SMOC1: variants seen among roughly 807,000 people sequenced by gnomAD.
SMOC1 encodes SPARC related modular calcium binding 1, also known as SPARC-related modular calcium-binding protein 1.
SMOC1 carries 22 observed loss-of-function variants against 56.3 expected under a neutral mutation model. That is an observed-to-expected ratio of 0.39 (90% confidence interval 0.28 to 0.56). The LOEUF (loss-of-function observed/expected upper bound fraction) is 0.56. Among genes scored for constraint, SMOC1 ranks in the 20% least tolerant of loss-of-function variants. The probability of loss-of-function intolerance (pLI) is 0.61; values close to 1 mark genes in which losing one functional copy is unlikely to be tolerated. For synonymous variants in SMOC1, 193 were observed against 215.0 expected, an observed-to-expected ratio of 0.90 and a Z score of 0.89; for missense variants, 509 against 565.4, an observed-to-expected ratio of 0.90 and a Z score of 1.01.
intron 3 of SMOC1, among the ~76,000 whole-genome samples, chr14:69,962,254 CT>C (rs771253192): frequency 2.0e-5 from 3 of 151,058 alleles, no homozygotes; most frequent in Admixed American, 6.6e-5. Flanking sequence ...CCTCTGCCTC[CT>C]GCATTAAGGT....
In SMOC1 at chr14:69,953,436, G is replaced by A; in HGVS notation, c.282G>A (p.Lys94=). The change falls in exon 3 of 12, where the codon AAG becomes AAA. Residue 94 remains lysine (K), a synonymous_variant. Transcript: ENST00000361956. ...CTCTTTCAGATGCTGGCCAGAGCAA[G>A]TGTCGCCTGGAGCGGGCTCAAGCCC... The part of the protein sequence containing the change: ...RGRCKDAGQS[K]CRLERAQALE... 1 of 1,614,226 alleles carries A rather than the reference G, an allele frequency of 6.2e-7. No homozygotes were observed. Among genetic ancestry groups the A allele is most frequent in the South Asian group, 1.1e-5 (1 of 91,082 alleles).
intron 7 of SMOC1, among the ~76,000 whole-genome samples, chr14:70,006,566 G>C (rs916393989): frequency 1.1e-4 from 16 of 152,226 alleles, no homozygotes; most frequent in African/African-American, 3.6e-4. Context: ...GAATAGTTAA[G>C]GAGGTCTAGA....
chr14:69,892,935 G>A (rs1239652973), intron 1 of SMOC1, among the ~76,000 whole-genome samples: 2 of 152,048 alleles, frequency 1.3e-5, no homozygotes, highest in South Asian at 4.1e-4. Flanking sequence ...GTCCAAATAA[G>A]GTCCACATAT....
intron 1 of SMOC1, among the ~76,000 whole-genome samples, chr14:69,919,620 A>G (rs1291414523): frequency 6.6e-6 from 1 of 152,192 alleles, no homozygotes; most frequent in Non-Finnish European, 1.5e-5. Context: ...GTGAATGTGA[A>G]GCTGGGCCTC....
chr14:70,010,807 C>G lies in SMOC1; in HGVS notation c.718C>G (p.Gln240Glu). 1 of 1,614,226 alleles carries G rather than the reference C, an allele frequency of 6.2e-7. No homozygotes were observed. Among genetic ancestry groups the G allele is most frequent in the East Asian group, 2.2e-5 (1 of 44,886 alleles). ...ERQSALEEAQ[Q>E]NPREGIVIPE... ...GCAGAGTGCCCTGGAAGAGGCCCAG[C>G]AGAATCCCCGTGAGGGTATTGTCAT... Residue 240 changes from glutamine to glutamate, a missense_variant, in exon 8 of 12, where the codon CAG (glutamine) becomes GAG (glutamate). Around this residue, in one of 3 missense-constraint regions of SMOC1, gnomAD observed 315 missense variants for 333.1 expected, o/e 0.95. Transcript: ENST00000361956.
chr14:69,977,180 G>A lies in SMOC1; in HGVS notation c.479-738G>A, dbSNP rs1297669727. Among the ~76,000 whole-genome samples the A allele has an allele frequency of 3.3e-5, 5 of 152,156 alleles. No individual in the cohort carries two copies. In the East Asian group the frequency reaches 7.7e-4, roughly 23 times the overall value. The stretch of plus-strand genomic sequence containing the variant: ...GAAATAGAGATTCTTTTCTTTTGGC[G>A]GGACTCCACAGATGCCCTTCTGTGC... On this transcript the variant is annotated intron_variant, in intron 4 of 11. Transcript: ENST00000361956.
chr14:69,912,419 A>G (rs1302637215), intron 1 of SMOC1, among the ~76,000 whole-genome samples: 1 of 152,126 alleles, frequency 6.6e-6, no homozygotes, highest in Non-Finnish European at 1.5e-5. Context: ...TGGCTAATTA[A>G]AAAAATTTTT....
chr14:69,936,104 T>C (rs1885288582), intron 1 of SMOC1, among the ~76,000 whole-genome samples: 1 of 152,144 alleles, frequency 6.6e-6, no homozygotes, highest in Admixed American at 6.5e-5. Flanking sequence ...TTTGGCCCTG[T>C]GATTTTCATT....
At chr14:70,006,250 G>C (rs1302077318) in intron 7 of SMOC1, among the ~76,000 whole-genome samples, 3 of 152,212 alleles carry the variant, frequency 2.0e-5, no homozygotes, top group Admixed American at 6.5e-5. Flanking sequence ...GTGAGGATAA[G>C]AAGAACACTA....
At chr14:69,932,957 A>G (rs147699232) in intron 1 of SMOC1, among the ~76,000 whole-genome samples, 3 of 152,268 alleles carry the variant, frequency 2.0e-5, no homozygotes, top group African/African-American at 7.2e-5. Context: ...TTTCTTGAAG[A>G]CATGGAACTC....
chr14:70,007,027 T>C (rs1159619150), intron 7 of SMOC1, among the ~76,000 whole-genome samples: 1 of 152,202 alleles, frequency 6.6e-6, no homozygotes. Flanking sequence ...GCACAGTTCA[T>C]TGGGGACTGT....
intron 1 of SMOC1, among the ~76,000 whole-genome samples, chr14:69,945,376 C>A (rs1455063749): frequency 6.6e-6 from 1 of 152,070 alleles, no homozygotes; most frequent in East Asian, 1.9e-4. Flanking sequence ...GGAATTTGAA[C>A]TTGGATTAGG....
At chr14:70,023,176 C>T (rs143029768) in intron 10 of SMOC1, 27 bp from the exon 11 acceptor site, 45 of 1,613,764 alleles carry the variant, frequency 2.8e-5, no homozygotes, top group East Asian at 1.1e-4. Context: ...GTGTTCTCTG[C>T]GGTGGGGGTG....
rs183359437 is a variant in SMOC1, at chr14:70,028,930, G to A, written c.1292-1312G>A. Among the ~76,000 whole-genome samples, 396 of 152,300 alleles carry A rather than the reference G, an allele frequency of 2.6e-3. 2 individuals carry two copies. Among genetic ancestry groups the A allele is most frequent in the African/African-American group, 9.0e-3 (374 of 41,562 alleles). Reference sequence around the variant, plus strand: ...TGGAGCTGTGGCTCACATGACCAGCGGGTGGGCTTGGGTTCTGCAGCGCTG... The same window carrying A: ...TGGAGCTGTGGCTCACATGACCAGCAGGTGGGCTTGGGTTCTGCAGCGCTG... On this transcript the variant is annotated intron_variant, in intron 11 of 11. Coordinates refer to ENST00000361956, the MANE Select transcript of SMOC1 (RefSeq NM_001034852.3).
At chr14:69,964,579 G>C (rs1486723961) in intron 3 of SMOC1, among the ~76,000 whole-genome samples, 1 of 151,946 alleles carries the variant, frequency 6.6e-6, no homozygotes, top group Non-Finnish European at 1.5e-5. Context: ...GGGTTTCACT[G>C]TGTTAGCCAA....
intron 1 of SMOC1, among the ~76,000 whole-genome samples, chr14:69,916,943 A>G (rs1884701646): frequency 6.6e-6 from 1 of 152,252 alleles, no homozygotes; most frequent in African/African-American, 2.4e-5. Context: ...GATTTAGAAC[A>G]TGCTGGAAGC....
intron 4 of SMOC1, 91 bp downstream of exon 4, chr14:69,975,905 T>C (rs1883933156): frequency 1.1e-6 from 1 of 888,760 alleles, no homozygotes; most frequent in African/African-American, 1.6e-5. Flanking sequence ...CTTTAGAAGG[T>C]TGATGGTGGT....
chr14:69,906,241 G>A (rs1471007222), intron 1 of SMOC1, among the ~76,000 whole-genome samples: 1 of 152,172 alleles, frequency 6.6e-6, no homozygotes, highest in Non-Finnish European at 1.5e-5. Flanking sequence ...TGGAGGTGCT[G>A]CTAGGAGACT....
In SMOC1 at chr14:69,994,375, T is replaced by TC. The variant is rs1566703211; in HGVS notation, c.584-24dup. ...ACATAGTCTCTTTGCCCAGACTTTT[T>TC]CTCTCTCCTTTTCCTCACCCCTAGA... is the stretch of plus-strand genomic sequence containing the variant. On this transcript the variant is annotated intron_variant, in intron 6 of 11. Transcript: ENST00000361956. 1.9e-6 allele frequency: 3 copies of TC among 1,590,486 alleles called. No individual in the cohort carries two copies. The South Asian group carries it at 3.3e-5, about 18-fold the overall frequency.
Sources: gnomAD v4.1 joint callset for allele counts (sites outside exome capture counted in the v4.1 genomes callset) on GRCh38, gnomAD v4.1.1 for gene constraint, gnomAD v4.1.1 regional missense constraint, MANE v1.5 for transcripts, NCBI Gene and HGNC (gene_info 2026-07-23, HGNC 2026-07-21) for gene names.